NDST1: variants seen among roughly 807,000 people sequenced by gnomAD.
The protein encoded by NDST1 is N-deacetylase and N-sulfotransferase 1, also known as bifunctional heparan sulfate N-deacetylase/N-sulfotransferase 1.
Under a neutral mutation model 92.8 loss-of-function variants are expected in NDST1, and 35 were observed. The ratio of observed to expected loss-of-function variants is 0.38; its 90% confidence interval spans 0.29 to 0.50. The LOEUF (loss-of-function observed/expected upper bound fraction) is 0.50. NDST1 is among the 20% of genes least tolerant of loss of function. The pLI is 0.94. For synonymous variants in NDST1, 493 were observed against 500.3 expected, an observed-to-expected ratio of 0.99 and a Z score of 0.19; for missense variants, 822 against 1,182.7, an observed-to-expected ratio of 0.69 and a Z score of 4.47.
At position 150,545,378 on chromosome 5, in the gene NDST1, C is replaced by T; in HGVS notation, c.2037C>T (p.Asn679=). 2 of 1,614,276 alleles carry T rather than the reference C, an allele frequency of 1.2e-6. No individual in the cohort carries two copies. The highest frequency in any genetic ancestry group is 1.7e-6 in the Non-Finnish European group (2 of 1,180,046). The part of the protein sequence containing the change: ...TSDFYFEKSA[N]YFDSEVAPRR... The stretch of plus-strand genomic sequence containing the variant: ...ACTTCTACTTTGAGAAAAGCGCCAA[C>T]TACTTTGATTCAGAAGTGGCGCCCC... The change falls in exon 11 of 15, where the codon AAC becomes AAT. Residue 679 remains asparagine, a synonymous_variant. Coordinates refer to ENST00000261797, the MANE Select transcript of NDST1 (RefSeq NM_001543.5).
chr5:150,532,901 C>A, intron 3 of NDST1, 44 bp from the exon 4 acceptor site: 1 of 1,567,190 alleles, frequency 6.4e-7, no homozygotes, highest in Non-Finnish European at 8.8e-7. Context: ...GCAGGGAGCT[C>A]CTGGCTTTCC....
Position 150,549,772 on chromosome 5 carries a change from AC to A in NDST1, c.2413del (p.His805ThrfsTer44), listed in dbSNP as rs868593568. The A allele has an allele frequency of 6.2e-7, 1 of 1,609,762 alleles. No homozygotes were observed. Among genetic ancestry groups the A allele is most frequent in the Non-Finnish European group, 8.5e-7 (1 of 1,176,004 alleles). ...CTTGGGGTGACCAACACCATTGACTACCACAAAACCTTGGCGTGAGTGTTGC... is the reference window on the plus strand; with the variant it reads ...CTTGGGGTGACCAACACCATTGACTACACAAAACCTTGGCGTGAGTGTTGC... Reference protein sequence around the residue: ...KFLGVTNTIDYHKTLAFDPKK... With the variant: ...KFLGVTNTIDXHKTLAFDPKK... On this transcript the variant is annotated frameshift_variant, in exon 13 of 15. Transcript: ENST00000261797. LOFTEE classifies it high-confidence loss of function.
chr5:150,557,964 G>A lies in NDST1; in HGVS notation c.*4632G>A, dbSNP rs1475434636. On this transcript the variant is annotated 3_prime_UTR_variant, in exon 15 of 15. Coordinates refer to ENST00000261797, the MANE Select transcript of NDST1 (RefSeq NM_001543.5). The surrounding 1 kb of genome is among the most constrained non-coding windows in gnomAD (Gnocchi z 4.7). ...CAAGAGGGCTCCTTTTGTAATTTGT[G>A]CATGAAATTCATGTCATTTCCTGGG... is the stretch of plus-strand genomic sequence containing the variant. 6.6e-6 allele frequency: 1 copy of A among 151,436 alleles called. No individual in the cohort carries two copies. Among genetic ancestry groups the A allele is most frequent in the African/African-American group, 2.4e-5 (1 of 41,136 alleles). 9.4% of individuals were successfully genotyped at this position (151,436 alleles called of 1,614,324 possible).
At chr5:150,527,308 C>T (rs904872958) in intron 2 of NDST1, among the ~76,000 whole-genome samples, 1 of 152,218 alleles carries the variant, frequency 6.6e-6, no homozygotes, top group Non-Finnish European at 1.5e-5. Context: ...ATGCCACAGG[C>T]CCTATTCTGA....
rs1581417950 is a variant in NDST1 at position 150,554,069 on chromosome 5, G to C, written c.*737G>C. 9.9e-6 allele frequency: 4 copies of C among 403,318 alleles called. No individual in the cohort carries two copies. The highest frequency in any genetic ancestry group is 6.3e-4 in the Middle Eastern group (1 of 1,592). 25.0% of individuals were successfully genotyped at this position (403,318 alleles called of 1,614,324 possible). A position where few individuals can be genotyped will look rare whatever the true frequency, so the allele number is the denominator to read the frequency against. On this transcript the variant is annotated 3_prime_UTR_variant, in exon 15 of 15. Transcript: ENST00000261797. ...GATATGATGTGTGGTGTTTCCTGTGGTAAAAGACTGAGGCAGGCCAGGGGT... is the reference window on the plus strand; with the variant it reads ...GATATGATGTGTGGTGTTTCCTGTGCTAAAAGACTGAGGCAGGCCAGGGGT...
chr5:150,544,176 T>C (rs1239199266), intron 10 of NDST1, among the ~76,000 whole-genome samples: 1 of 152,226 alleles, frequency 6.6e-6, no homozygotes, highest in African/African-American at 2.4e-5. Flanking sequence ...TTTAGAAAGG[T>C]AATGTGGTGC....
chr5:150,527,800 G>T lies in NDST1; in HGVS notation c.514-4G>T. On this transcript the variant is annotated splice_polypyrimidine_tract_variant and splice_region_variant and intron_variant, in intron 2 of 14. Transcript: ENST00000261797. ...TTCCCCTTCCTGCCCTCCATTGACT[G>T]CAGGCCAATGAGAACAGCCTGCTGA... is the stretch of plus-strand genomic sequence containing the variant. The T allele has an allele frequency of 6.2e-7, 1 of 1,613,540 alleles. No individual in the cohort carries two copies. Among genetic ancestry groups the T allele is most frequent in the Non-Finnish European group, 8.5e-7 (1 of 1,180,032 alleles).
chr5:150,551,671 C>G, intron 13 of NDST1, 82 bp from the exon 14 acceptor site: 6 of 1,541,482 alleles, frequency 3.9e-6, no homozygotes, highest in Non-Finnish European at 5.3e-6. Flanking sequence ...CTCTGCCATT[C>G]CTGGGGTCCA....
At chr5:150,517,297 C>G (rs893517035) in intron 1 of NDST1, among the ~76,000 whole-genome samples, 1 of 143,262 alleles carries the variant, frequency 7.0e-6, no homozygotes, top group Non-Finnish European at 1.5e-5. Flanking sequence ...GCCCTGACAC[C>G]TGGCTCATTT....
intron 11 of NDST1, 150 bp downstream of exon 11, chr5:150,545,636 T>G: frequency 1.0e-6 from 1 of 994,324 alleles, no homozygotes; most frequent in Non-Finnish European, 1.5e-6. Context: ...TGGCTGAGAA[T>G]AGAGTCCTTG....
chr5:150,536,014 G>T, intron 6 of NDST1, 129 bp downstream of exon 6: 1 of 1,079,900 alleles, frequency 9.3e-7, no homozygotes, highest in Non-Finnish European at 1.4e-6. Context: ...AGCTTCTGCT[G>T]CCTCCTCTGG....
chr5:150,537,257 C>A (rs986614456), intron 6 of NDST1, among the ~76,000 whole-genome samples: 1 of 152,160 alleles, frequency 6.6e-6, no homozygotes, highest in Non-Finnish European at 1.5e-5. Flanking sequence ...AGGATAACAG[C>A]GATGTTCAGG....
intron 1 of NDST1, among the ~76,000 whole-genome samples, chr5:150,513,464 C>T (rs1404449606): frequency 6.6e-6 from 1 of 152,168 alleles, no homozygotes; most frequent in East Asian, 1.9e-4. Context: ...CAGAGCAAGA[C>T]TCTTAAAAAA....
At chr5:150,547,337 G>A (rs1315756558) in intron 11 of NDST1, among the ~76,000 whole-genome samples, 2 of 152,230 alleles carry the variant, frequency 1.3e-5, no homozygotes, top group Non-Finnish European at 1.5e-5. Flanking sequence ...GGGACGAGGA[G>A]GACGCTGCTG....
At position 150,554,279 on chromosome 5, in the gene NDST1, G is replaced by T. The variant is rs79051304; in HGVS notation, c.*947G>T. 1.1e-4 allele frequency: 33 copies of T among 293,218 alleles called. No individual in the cohort carries two copies. The highest frequency in any genetic ancestry group is 4.6e-4 in the African/African-American group (19 of 41,548). 18.2% of individuals were successfully genotyped at this position (293,218 alleles called of 1,614,324 possible). ...AGAAGCTAAAATATTTTAATATTTT[G>T]TTTTTTTTTTTCTTGGTGCCAGAGT... On this transcript the variant is annotated 3_prime_UTR_variant, in exon 15 of 15. Transcript: ENST00000261797.
At chr5:150,513,485 G>C (rs865904452) in intron 1 of NDST1, among the ~76,000 whole-genome samples, 2 of 152,166 alleles carry the variant, frequency 1.3e-5, no homozygotes, top group Non-Finnish European at 2.9e-5. Flanking sequence ...AGAAAGAAAA[G>C]ATTCAAAGAT....
intron 2 of NDST1, among the ~76,000 whole-genome samples, chr5:150,527,509 C>T (rs956477769): frequency 3.3e-5 from 5 of 152,314 alleles, no homozygotes; most frequent in African/African-American, 1.2e-4. Flanking sequence ...TCTAGGCCTC[C>T]GTCTGCTATG....
intron 3 of NDST1, among the ~76,000 whole-genome samples, chr5:150,528,682 C>G (rs1754581729): frequency 6.6e-6 from 1 of 152,166 alleles, no homozygotes. Context: ...GTCATCCTGG[C>G]TACACAGGAG....
At position 150,521,495 on chromosome 5, in the gene NDST1, A is replaced by C. The variant is rs771478008; in HGVS notation, c.241A>C (p.Thr81Pro). 6.2e-7 allele frequency: 1 copy of C among 1,613,822 alleles called. No homozygotes were observed. The highest frequency in any genetic ancestry group is 8.5e-7 in the Non-Finnish European group (1 of 1,179,982). ...TGTGCAGGCAGCCACCCCTTCCCGC[A>C]CAGACCCGTTGGTGCTGGTCTTTGT... Reference protein sequence around the residue: ...KPVQAATPSRTDPLVLVFVES... With the variant: ...KPVQAATPSRPDPLVLVFVES... Residue 81 changes from threonine to proline, a missense_variant, in exon 2 of 15, where the codon ACA (threonine) becomes CCA (proline). Physicochemically the swap from Thr to Pro is conservative, Grantham distance 38. Coordinates refer to ENST00000261797, the MANE Select transcript of NDST1 (RefSeq NM_001543.5). The surrounding 1 kb of genome is among the most constrained non-coding windows in gnomAD (Gnocchi z 5.9).
Sources: gnomAD v4.1 joint callset for allele counts (sites outside exome capture counted in the v4.1 genomes callset) on GRCh38, gnomAD v4.1.1 for gene constraint, Gnocchi (gnomAD v3.1) non-coding constraint, MANE v1.5 for transcripts, NCBI Gene and HGNC (gene_info 2026-07-23, HGNC 2026-07-21) for gene names.